Variants in DAB1 observed in about 807,000 individuals in gnomAD.
The protein encoded by DAB1 is DAB adaptor protein 1, also known as disabled homolog 1.
In DAB1, 15 loss-of-function variants were observed where a neutral mutation model predicts 64.6. That is an observed-to-expected ratio of 0.23 (90% CI 0.16 to 0.36). The LOEUF (loss-of-function observed/expected upper bound fraction) is 0.36. Among genes scored for constraint, DAB1 ranks in the 10% least tolerant of loss-of-function variants. DAB1 has a pLI of 1.00. For synonymous variants in DAB1, 235 were observed against 251.9 expected, an observed-to-expected ratio of 0.93 and a Z score of 0.64; for missense variants, 596 against 706.7, an observed-to-expected ratio of 0.84 and a Z score of 1.78.
intron 2 of DAB1, among the ~76,000 whole-genome samples, chr1:57,257,998 C>T (rs1375501634): frequency 6.6e-6 from 1 of 152,194 alleles, no homozygotes. Flanking sequence ...GCAACATGCA[C>T]AGGTTCTGGG....
intron 2 of DAB1, among the ~76,000 whole-genome samples, chr1:58,513,514 T>G (rs1247270902): frequency 6.6e-6 from 1 of 152,168 alleles, no homozygotes; most frequent in African/African-American, 2.4e-5. Context: ...CTAGGTAACC[T>G]TTCCTTCTTA....
At chr1:58,370,965 C>T (rs1184109584) in intron 3 of DAB1, among the ~76,000 whole-genome samples, 2 of 152,110 alleles carry the variant, frequency 1.3e-5, no homozygotes, top group Admixed American at 6.6e-5. Context: ...AGTGTGAAAA[C>T]AGATTAATAC....
At chr1:58,258,782 G>A (rs1660988670) in intron 4 of DAB1, among the ~76,000 whole-genome samples, 1 of 151,848 alleles carries the variant, frequency 6.6e-6, no homozygotes, top group South Asian at 2.1e-4. Flanking sequence ...ATTAACGTGG[G>A]TTAGTAGGTG....
chr1:57,038,000 T>C (rs549481248), intron 9 of DAB1, among the ~76,000 whole-genome samples: 1 of 152,360 alleles, frequency 6.6e-6, no homozygotes, highest in South Asian at 2.1e-4. Context: ...AACTAAATTT[T>C]AAATTTTATT....
At chr1:57,905,964 T>A (rs953869035) in intron 5 of DAB1, among the ~76,000 whole-genome samples, 1 of 152,240 alleles carries the variant, frequency 6.6e-6, no homozygotes, top group African/African-American at 2.4e-5. Flanking sequence ...ATTGCCTGAA[T>A]GACATTCTTC....
intron 7 of DAB1, among the ~76,000 whole-genome samples, chr1:57,588,203 T>A (rs1478354280): frequency 6.6e-6 from 1 of 152,204 alleles, no homozygotes; most frequent in African/African-American, 2.4e-5. Flanking sequence ...ACCTGGAATG[T>A]GCATCCCACA....
At chr1:57,247,058 G>T (rs1481935802) in intron 2 of DAB1, among the ~76,000 whole-genome samples, 2 of 116,338 alleles carry the variant, frequency 1.7e-5, no homozygotes, top group Non-Finnish European at 3.6e-5. Context: ...AATTTTGGGT[G>T]AATGTTGGAG....
At chr1:57,576,501 T>C (rs575885882) in intron 7 of DAB1, among the ~76,000 whole-genome samples, 2 of 152,280 alleles carry the variant, frequency 1.3e-5, no homozygotes, top group East Asian at 1.9e-4. Context: ...GAAATTGGAA[T>C]GGTGCATTTA....
intron 7 of DAB1, among the ~76,000 whole-genome samples, chr1:57,476,282 G>GA (rs533279778): frequency 2.1e-4 from 31 of 151,126 alleles, no homozygotes; most frequent in South Asian, 8.3e-4. Flanking sequence ...GTCATGAATG[G>GA]AAAATGGGGA....
intron 4 of DAB1, among the ~76,000 whole-genome samples, chr1:58,237,210 C>T (rs750449185): frequency 9.2e-5 from 14 of 152,072 alleles, no homozygotes; most frequent in Non-Finnish European, 1.8e-4. Context: ...CAATAAATGT[C>T]TGCTGAATTG....
rs527706326 is a variant in DAB1 at position 57,503,128 on chromosome 1, G to A, written n.625+146464C>T. On this transcript the variant is annotated intron_variant and non_coding_transcript_variant, in intron 7 of 20. Coordinates refer to the DAB1 transcript ENST00000485760. ...TATTTGCTTCCTCTTGCAGATGAAT[G>A]CTGCTACAATAAAGGGTAAGGTTCT... Among the ~76,000 whole-genome samples, 4 of 152,294 alleles carry A rather than the reference G, an allele frequency of 2.6e-5. No homozygotes were observed. The South Asian group carries it at 8.3e-4, about 32-fold the overall frequency.
chr1:57,483,452 A>G (rs899594326), intron 7 of DAB1, among the ~76,000 whole-genome samples: 2 of 151,988 alleles, frequency 1.3e-5, no homozygotes, highest in Admixed American at 1.3e-4. Context: ...ATGTGCTTTC[A>G]CCTTCCAACA....
At chr1:58,471,075 G>A (rs1227144973) in intron 3 of DAB1, among the ~76,000 whole-genome samples, 3 of 152,148 alleles carry the variant, frequency 2.0e-5, no homozygotes, top group Non-Finnish European at 4.4e-5. Flanking sequence ...GCAAGTAAGA[G>A]AATACCCAAT....
rs185459959 is a variant in DAB1 at position 58,170,783 on chromosome 1, C to T, written n.310-20195G>A. ...CTGGAAGGCACACTGCCCCAGAGAG[C>T]ACAGTGTCTCTGGGCCAGAAGCCCC... is the stretch of plus-strand genomic sequence containing the variant. On this transcript the variant is annotated intron_variant and non_coding_transcript_variant, in intron 4 of 20. Coordinates refer to the DAB1 transcript ENST00000485760. Among the ~76,000 whole-genome samples the T allele has an allele frequency of 1.7e-4, 26 of 152,264 alleles. 1 individual carries two copies. The highest frequency in any genetic ancestry group is 2.9e-4 in the Non-Finnish European group (20 of 68,022).
chr1:57,860,029 T>G (rs1307159391), intron 1 of DAB1, among the ~76,000 whole-genome samples: 1 of 152,208 alleles, frequency 6.6e-6, no homozygotes, highest in Non-Finnish European at 1.5e-5. Flanking sequence ...CAACACTTAT[T>G]ATTGTCCCCA....
intron 3 of DAB1, among the ~76,000 whole-genome samples, chr1:58,348,746 G>A (rs1296811592): frequency 2.6e-5 from 4 of 152,116 alleles, no homozygotes; most frequent in Non-Finnish European, 5.9e-5. Flanking sequence ...TTTTACACAC[G>A]TTGGGAAGTT....
chr1:58,162,741 TATA>T (rs1418105988), intron 4 of DAB1, among the ~76,000 whole-genome samples: 1 of 152,222 alleles, frequency 6.6e-6, no homozygotes, highest in Non-Finnish European at 1.5e-5. Flanking sequence ...ATGTATACAT[TATA>T]ATAAGGAATA....
At chr1:58,201,712 T>G (rs1658008175) in intron 4 of DAB1, among the ~76,000 whole-genome samples, 1 of 152,234 alleles carries the variant, frequency 6.6e-6, no homozygotes, top group Non-Finnish European at 1.5e-5. Flanking sequence ...GACTTTGAAC[T>G]GATATCCGAT....
intron 1 of DAB1, among the ~76,000 whole-genome samples, chr1:57,830,132 A>G (rs1463073358): frequency 6.6e-6 from 1 of 152,202 alleles, no homozygotes; most frequent in Admixed American, 6.5e-5. Flanking sequence ...ATGTTCTGTA[A>G]GTGACTGACA....
Sources: allele counts gnomAD v4.1 joint callset (sites outside exome capture counted in the v4.1 genomes callset), GRCh38; gene constraint gnomAD v4.1.1; transcripts MANE v1.5; gene names NCBI Gene and HGNC (gene_info 2026-07-23, HGNC 2026-07-21).